Variants in FHL1 observed in about 807,000 individuals in gnomAD.
FHL1 encodes four and a half LIM domains 1, also known as four and a half LIM domains protein 1.
FHL1 carries 1 observed loss-of-function variant against 20.3 expected under a neutral mutation model. The observed-to-expected ratio is 0.05, with a 90% CI of 0.02 to 0.23. FHL1 has a LOEUF of 0.23. FHL1 is among the 10% of genes least tolerant of loss of function. The pLI is 1.00. For synonymous variants in FHL1, 82 were observed against 88.9 expected (o/e 0.92, Z 0.44); for missense variants, 177 against 234.0 (o/e 0.76, Z 1.59).
At chrX:136,170,610 C>T (rs1169192541) in intron 2 of FHL1, among the ~76,000 whole-genome samples, 1 of 111,396 alleles carries the variant, frequency 9.0e-6, no homozygotes, top group Non-Finnish European at 1.9e-5. Context: ...CTTGTTTATA[C>T]TCTGTGATGA....
rs191968032 is a variant in FHL1, at chrX:136,185,142, G to A, written c.-27+15162G>A. On this transcript the variant is annotated intron_variant, in intron 2 of 6. Transcript: ENST00000394153. ...AATATTGTTAATTTAATTTTATGAC[G>A]TTAATTTTTAAATTGATTTTTGAAT... Among the ~76,000 whole-genome samples the A allele has an allele frequency of 4.5e-5, 5 of 112,292 alleles. No homozygotes were observed. In the East Asian group the frequency reaches 1.1e-3, roughly 25 times the overall value.
intron 2 of FHL1, among the ~76,000 whole-genome samples, chrX:136,174,337 G>A (rs955037074): frequency 9.0e-5 from 10 of 111,722 alleles, no homozygotes; most frequent in South Asian, 7.5e-4. Flanking sequence ...ACATCGACAG[G>A]TACGGGTGAT....
At chrX:136,197,192 C>T (rs757267706) in intron 1 of FHL1, 58 bp downstream of exon 1, 274 of 1,014,075 alleles carry the variant, frequency 2.7e-4, no homozygotes, top group Non-Finnish European at 3.6e-4. Flanking sequence ...GCAGTGAATC[C>T]GTCATTGGGC....
upstream of FHL1, among the ~76,000 whole-genome samples, chrX:136,165,623 G>T (rs943683298): frequency 8.9e-6 from 1 of 112,264 alleles, no homozygotes; most frequent in African/African-American, 3.2e-5. Context: ...TCAAAGAATT[G>T]AGAGGAGACA....
rs1190818969 is a variant in FHL1 at position 136,210,167 on chromosome X, G to GT, written c.*143dup. 55 of 907,195 alleles carry GT rather than the reference G, an allele frequency of 6.1e-5. No individual in the cohort carries two copies. The highest frequency in any genetic ancestry group is 8.1e-5 in the Non-Finnish European group (51 of 629,848). The allele number at this position is 907,195 out of a possible 1,213,427, so 74.8% of individuals were successfully genotyped here. On this transcript the variant is annotated 3_prime_UTR_variant, in exon 6 of 6. Transcript: ENST00000370683. ...CTTCCGTCTTTTCTCCCATTTTACA[G>GT]TATTACTCAAATAAGGGCACACAGT...
intron 2 of FHL1, among the ~76,000 whole-genome samples, chrX:136,179,070 C>G (rs761280172): frequency 1.8e-5 from 2 of 112,258 alleles, no homozygotes; most frequent in East Asian, 5.6e-4. Flanking sequence ...AGGACCATTT[C>G]TGTACACATT....
intron 2 of FHL1, among the ~76,000 whole-genome samples, chrX:136,186,400 T>C (rs2073288554): frequency 9.0e-6 from 1 of 111,386 alleles, no homozygotes; most frequent in African/African-American, 3.3e-5. Flanking sequence ...TGCTCCCTCA[T>C]CCACTCCAGA....
intron 2 of FHL1, among the ~76,000 whole-genome samples, chrX:136,179,388 C>T (rs929580232): frequency 8.9e-6 from 1 of 111,927 alleles, no homozygotes; most frequent in African/African-American, 3.2e-5. Context: ...TTTGAACTGT[C>T]AGTTCTCATA....
At chrX:136,163,453 C>G (rs1373015217) in intron 1 of FHL1, among the ~76,000 whole-genome samples, 3 of 111,955 alleles carry the variant, frequency 2.7e-5, no homozygotes, top group Non-Finnish European at 5.6e-5. Flanking sequence ...AGAGATGATT[C>G]TGATGCTAGC....
At chrX:136,202,639 C>A (rs745865213) in intron 1 of FHL1, among the ~76,000 whole-genome samples, 1 of 111,046 alleles carries the variant, frequency 9.0e-6, no homozygotes, top group Non-Finnish European at 1.9e-5. Flanking sequence ...GCCTGTAGTT[C>A]CAGCTACTCG....
At chrX:136,166,809 A>G (rs1335977617), upstream of FHL1, among the ~76,000 whole-genome samples, 2 of 112,594 alleles carry the variant, frequency 1.8e-5, no homozygotes. Context: ...TCCACGTTTG[A>G]TAACAGTTTG....
At position 136,206,532 on chromosome X, in the gene FHL1, A is replaced by C. The variant is rs754421860; in HGVS notation, c.148A>C (p.Lys50Gln). 8 of 1,212,343 alleles carry C rather than the reference A, an allele frequency of 6.6e-6. No individual in the cohort carries two copies. Among genetic ancestry groups the C allele is most frequent in the Non-Finnish European group, 8.9e-6 (8 of 895,606 alleles). ...CCACTGCTGCCTGAAATGCTTTGAC[A>C]AGTTCTGTGCCAACACCTGTGTGGA... ...GHHCCLKCFD[K>Q]FCANTCVECR... Residue 50 changes from lysine (K) to glutamine (Q), a missense_variant, in exon 2 of 6, where the codon AAG becomes CAG. By Grantham distance (53) the Lys-to-Gln change is moderately conservative (BLOSUM62 1). Transcript: ENST00000370683.
Position 136,209,308 on chromosome X carries a change from G to A in FHL1, c.737-563G>A. ...AGCTAGGAAGCCCCCAGTGTGCCAC[G>A]GGAAACGCTTGCCTCTCACCCTGTT... On this transcript the variant is annotated intron_variant, in intron 5 of 5. Coordinates refer to ENST00000370683, the MANE Select transcript of FHL1 (RefSeq NM_001159699.2). The A allele has an allele frequency of 1.7e-6, 2 of 1,211,194 alleles. No individual in the cohort carries two copies. The highest frequency in any genetic ancestry group is 1.1e-6 in the Non-Finnish European group (1 of 895,328).
chrX:136,209,800 G>T, intron 5 of FHL1, 71 bp from the exon 6 acceptor site: 1 of 1,117,954 alleles, frequency 8.9e-7, no homozygotes, highest in Non-Finnish European at 1.2e-6. Flanking sequence ...TCTCTGAATC[G>T]TGGTTTCCTC....
intron 1 of FHL1, among the ~76,000 whole-genome samples, chrX:136,154,962 C>T (rs1285849047): frequency 3.6e-5 from 4 of 112,368 alleles, no homozygotes; most frequent in African/African-American, 1.3e-4. Context: ...TCACCTCGGC[C>T]TCCCAAAGTG....
intron 1 of FHL1, among the ~76,000 whole-genome samples, chrX:136,156,590 C>T (rs1005121565): frequency 9.0e-6 from 1 of 111,683 alleles, no homozygotes; most frequent in Non-Finnish European, 1.9e-5. Flanking sequence ...TTTCTAATAA[C>T]AAGAATTTGT....
intron 2 of FHL1, among the ~76,000 whole-genome samples, chrX:136,172,186 G>A (rs745399147): frequency 8.9e-6 from 1 of 112,075 alleles, no homozygotes; most frequent in South Asian, 3.7e-4. Context: ...GAGCCACTGC[G>A]CCCGGCCAAA....
chrX:136,153,995 T>C (rs1257780365), intron 1 of FHL1, among the ~76,000 whole-genome samples: 1 of 111,696 alleles, frequency 9.0e-6, no homozygotes, highest in Non-Finnish European at 1.9e-5. Flanking sequence ...AAATTTCTCC[T>C]CTTCCAGCTT....
At chrX:136,177,876 G>A (rs778247153) in intron 2 of FHL1, among the ~76,000 whole-genome samples, 17 of 112,423 alleles carry the variant, frequency 1.5e-4, no homozygotes, top group Non-Finnish European at 3.0e-4. Flanking sequence ...GATTTGAGAA[G>A]CCAACAACAG....
Sources: allele counts gnomAD v4.1 joint callset (sites outside exome capture counted in the v4.1 genomes callset), GRCh38; gene constraint gnomAD v4.1.1; transcripts MANE v1.5; gene names NCBI Gene and HGNC (gene_info 2026-07-23, HGNC 2026-07-21).